RADIL: variants seen among roughly 807,000 people sequenced by gnomAD.
The protein encoded by RADIL is Rap associating with DIL domain, also known as ras-associating and dilute domain-containing protein.
In RADIL, 99 loss-of-function variants were observed where a neutral mutation model predicts 97.6. The ratio of observed to expected loss-of-function variants is 1.01; its 90% CI spans 0.86 to 1.20. The LOEUF (loss-of-function observed/expected upper bound fraction) is 1.20. Among genes scored for constraint, RADIL ranks in the 50% most tolerant of loss-of-function variants. The probability of loss-of-function intolerance (pLI) is 0.00; values close to 1 mark genes in which losing one functional copy is unlikely to be tolerated. For synonymous variants in RADIL, 803 were observed against 691.8 expected (o/e 1.16, Z -2.52); for missense variants, 1,765 against 1,498.9 (o/e 1.18, Z -2.93).
At position 4,883,115 on chromosome 7, in the gene RADIL, T is replaced by C. The variant is rs559382002; in HGVS notation, c.-65+481A>G. ...ATCGGGCTGCAACCGGGACGGGGTA[T>C]GTGCAGGGGACGTCTCGCCGGCCCA... On this transcript the variant is annotated intron_variant, in intron 1 of 14. Coordinates refer to ENST00000399583, the MANE Select transcript of RADIL (RefSeq NM_018059.5). The surrounding 1 kb of genome is among the most constrained non-coding windows in gnomAD (Gnocchi z 7.1). 1.1e-4 allele frequency among the ~76,000 whole-genome samples: 16 copies of C among 150,080 alleles called. No homozygotes were observed. The highest frequency in any genetic ancestry group is 3.8e-4 in the African/African-American group (15 of 39,460).
In RADIL at chr7:4,827,680, T is replaced by G. The variant is rs1192868456; in HGVS notation, c.1454+4461A>C. Among the ~76,000 whole-genome samples the G allele has an allele frequency of 2.6e-5, 4 of 151,646 alleles. No individual in the cohort carries two copies. The East Asian group carries it at 5.8e-4, about 22-fold the overall frequency. The stretch of plus-strand genomic sequence containing the variant: ...CATCGCAAAAACGAACAAAAAGAAA[T>G]AAATAAAAAATGAAGTAAACCAATC... On this transcript the variant is annotated intron_variant, in intron 5 of 14. Coordinates refer to ENST00000399583, the MANE Select transcript of RADIL (RefSeq NM_018059.5).
chr7:4,835,373 C>G lies in RADIL; in HGVS notation c.784-134G>C. ...CACGGGCTCTCCATGTCCCTGGCCA[C>G]CCCCACACCAGAACCCCGACGGCTC... On this transcript the variant is annotated intron_variant, in intron 3 of 14. Transcript: ENST00000399583. This position sits in a 1 kb window ranked among gnomAD's most constrained non-coding sequence, Gnocchi z 5.8. 8.6e-7 allele frequency: 1 copy of G among 1,167,672 alleles called. No individual in the cohort carries two copies. The allele number at this position is 1,167,672 out of a possible 1,614,324, so 72.3% of individuals were successfully genotyped here.
At position 4,867,285 on chromosome 7, in the gene RADIL, C is replaced by T. The variant is rs574657701; in HGVS notation, c.535+10320G>A. ...GCACATATGCTCTGTAATCCAGCAG[C>T]TCCGTTCCTGGAAGAATGCCTCCGA... is the stretch of plus-strand genomic sequence containing the variant. On this transcript the variant is annotated intron_variant, in intron 2 of 14. Transcript: ENST00000399583. The surrounding 1 kb of genome is among the most constrained non-coding windows in gnomAD (Gnocchi z 4.1). Among the ~76,000 whole-genome samples the T allele has an allele frequency of 6.6e-6, 1 of 152,316 alleles. No homozygotes were observed. Among genetic ancestry groups the T allele is most frequent in the East Asian group, 1.9e-4 (1 of 5,188 alleles).
At chr7:4,856,376 C>G (rs1322498724) in intron 2 of RADIL, among the ~76,000 whole-genome samples, 1 of 152,236 alleles carries the variant, frequency 6.6e-6, no homozygotes, top group Non-Finnish European at 1.5e-5. Flanking sequence ...TCCCAAAGTG[C>G]TGGGATTACA....
At chr7:4,812,127 T>G (rs1782564665) in intron 9 of RADIL, among the ~76,000 whole-genome samples, 1 of 151,824 alleles carries the variant, frequency 6.6e-6, no homozygotes, top group African/African-American at 2.4e-5. Context: ...GGGATCCTCC[T>G]GCCTTGGCCT....
chr7:4,865,601 C>T (rs1583320239), intron 2 of RADIL: 1 of 804,198 alleles, frequency 1.2e-6, no homozygotes, highest in African/African-American at 1.7e-5. Context: ...AGTGATCTTG[C>T]TCTTGCTCCT....
At position 4,815,497 on chromosome 7, in the gene RADIL, G is replaced by C. The variant is rs185344288; in HGVS notation, c.1967-47C>G. ...GTGATGCCTGGGCTGCCCTCCTGGG[G>C]GGACACAGACATGGGCCTGTCCCCA... is the stretch of plus-strand genomic sequence containing the variant. On this transcript the variant is annotated intron_variant, in intron 8 of 14. Coordinates refer to ENST00000399583, the MANE Select transcript of RADIL (RefSeq NM_018059.5). The surrounding 1 kb of genome is among the most constrained non-coding windows in gnomAD (Gnocchi z 8.0). 5.9e-4 allele frequency: 859 copies of C among 1,450,560 alleles called. 2 individuals carry two copies. Among genetic ancestry groups the C allele is most frequent in the Middle Eastern group, 5.5e-3 (27 of 4,866 alleles). The allele number at this position is 1,450,560 out of a possible 1,614,324, so 89.9% of individuals were successfully genotyped here. A position where few individuals can be genotyped will look rare whatever the true frequency, so the allele number is the denominator to read the frequency against.
Position 4,877,834 on chromosome 7 carries a change from C to T in RADIL, c.306G>A (p.Leu102=), listed in dbSNP as rs777385939. ...LVKEALERYA[L]DPRQAGQYVL... ...CGTACTGGCCGGCCTGCCTGGGGTCCAGGGCGTACCGCTCCAGCGCCTCCT... is the reference window on the plus strand; with the variant it reads ...CGTACTGGCCGGCCTGCCTGGGGTCTAGGGCGTACCGCTCCAGCGCCTCCT... Residue 102 remains leucine, a synonymous_variant, in exon 2 of 15, where the codon CTG becomes CTA. Transcript: ENST00000399583. 2.5e-6 allele frequency: 4 copies of T among 1,607,508 alleles called. No homozygotes were observed. Among genetic ancestry groups the T allele is most frequent in the Middle Eastern group, 1.6e-4 (1 of 6,062 alleles).
At chr7:4,861,922 C>A in intron 2 of RADIL, 1 of 638,444 alleles carries the variant, frequency 1.6e-6, no homozygotes, top group South Asian at 4.2e-5. Context: ...CTGCCCTGGT[C>A]CGACCCCACT....
chr7:4,853,179 C>T (rs1583308272), intron 2 of RADIL, among the ~76,000 whole-genome samples: 1 of 152,092 alleles, frequency 6.6e-6, no homozygotes, highest in East Asian at 1.9e-4. Context: ...CTAAGATGAC[C>T]CCCAGTGACC....
intron 2 of RADIL, among the ~76,000 whole-genome samples, chr7:4,857,491 A>G (rs1178267092): frequency 6.6e-6 from 1 of 151,946 alleles, no homozygotes; most frequent in Non-Finnish European, 1.5e-5. Flanking sequence ...TTTTTACTCT[A>G]TTTTTTTGTA....
At position 4,834,730 on chromosome 7, in the gene RADIL, G is replaced by A; in HGVS notation, c.1293C>T (p.Asp431=). 1 of 1,414,718 alleles carries A rather than the reference G, an allele frequency of 7.1e-7. No homozygotes were observed. The highest frequency in any genetic ancestry group is 1.8e-5 in the South Asian group (1 of 56,528). 87.6% of individuals were successfully genotyped at this position (1,414,718 alleles called of 1,614,324 possible). Residue 431 remains aspartate (D), a synonymous_variant, in exon 4 of 15, where the codon GAC becomes GAT. Transcript: ENST00000399583. The surrounding 1 kb of genome is among the most constrained non-coding windows in gnomAD (Gnocchi z 6.0). ...GGAGGAAGGCGGGGGTCAGCTTGTG[G>A]TCGTCGCCCCCCGGCTCGATCAACG... ...IMTLIEPGGD[D]HKLTPAFLLC...
rs773747258 is a variant in RADIL at position 4,819,072 on chromosome 7, C to CTT, written c.1616-1723_1616-1722dup. On this transcript the variant is annotated intron_variant, in intron 6 of 14. Coordinates refer to ENST00000399583, the MANE Select transcript of RADIL (RefSeq NM_018059.5). This position sits in a 1 kb window ranked among gnomAD's most constrained non-coding sequence, Gnocchi z 5.8. ...ACTCCATTTCTCTCTCTCTCTCTCT[C>CTT]TTTTTTTTTTTTTTTTAAAGACAGA... Among the ~76,000 whole-genome samples the CTT allele has an allele frequency of 3.7e-5, 5 of 133,342 alleles. No individual in the cohort carries two copies. Among genetic ancestry groups the CTT allele is most frequent in the South Asian group, 4.9e-4 (2 of 4,096 alleles). 87.5% of individuals were successfully genotyped at this position (133,342 alleles called of 152,430 possible).
At chr7:4,881,414 CAAA>C (rs58871429) in intron 1 of RADIL, among the ~76,000 whole-genome samples, 4 of 82,280 alleles carry the variant, frequency 4.9e-5, no homozygotes, top group African/African-American at 1.6e-4. Context: ...GACTCCCTCT[CAAA>C]AAAAAAAAAA....
chr7:4,822,761 C>A lies in RADIL; in HGVS notation c.1455-207G>T, dbSNP rs978394660. Among the ~76,000 whole-genome samples the A allele has an allele frequency of 6.6e-6, 1 of 152,198 alleles. No homozygotes were observed. The highest frequency in any genetic ancestry group is 1.5e-5 in the Non-Finnish European group (1 of 68,048). ...AACACCCGACAGCCAGAGGACCCTA[C>A]AAACCTAGCAGGAAGACAGCTGGGC... On this transcript the variant is annotated intron_variant, in intron 5 of 14. Transcript: ENST00000399583. The surrounding 1 kb of genome is among the most constrained non-coding windows in gnomAD (Gnocchi z 5.3).
chr7:4,861,085 T>A (rs1319560325), intron 2 of RADIL: 1 of 1,614,232 alleles, frequency 6.2e-7, no homozygotes, highest in South Asian at 1.1e-5. Context: ...CGAGGAAACC[T>A]AATATATTGG....
In RADIL at chr7:4,806,049, GC is replaced by G. The variant is rs1782296822; in HGVS notation, c.2140-334del. ...AAATGAACAGTGAAATCAGATTCCT[GC>G]CTCCAACGGTGTGAAAGAAATCAAT... On this transcript the variant is annotated intron_variant, in intron 9 of 14. Transcript: ENST00000399583. 3 of 985,356 alleles carry G rather than the reference GC, an allele frequency of 3.0e-6. No homozygotes were observed. The African/African-American group carries it at 5.2e-5, about 17-fold the overall frequency. The allele number at this position is 985,356 out of a possible 1,614,324, so 61.0% of individuals were successfully genotyped here. A position where few individuals can be genotyped will look rare whatever the true frequency, so the allele number is the denominator to read the frequency against.
chr7:4,863,276 G>A (rs1562456026), intron 2 of RADIL, among the ~76,000 whole-genome samples: 1 of 152,094 alleles, frequency 6.6e-6, no homozygotes, highest in African/African-American at 2.4e-5. Flanking sequence ...GTTCTTTCAT[G>A]TTTTTCCCCC....
chr7:4,841,425 G>A (rs941197338), intron 2 of RADIL, among the ~76,000 whole-genome samples: 9 of 152,236 alleles, frequency 5.9e-5, no homozygotes, highest in African/African-American at 1.9e-4. Context: ...TGTCCACAGC[G>A]GTTCCTTACA....
Sources: allele counts gnomAD v4.1 joint callset (sites outside exome capture counted in the v4.1 genomes callset), GRCh38; gene constraint gnomAD v4.1.1; non-coding constraint Gnocchi (gnomAD v3.1); transcripts MANE v1.5; gene names NCBI Gene and HGNC (gene_info 2026-07-23, HGNC 2026-07-21).